The following B3GAT2 variants were observed in gnomAD, a reference collection of about 807,000 sequenced individuals.
B3GAT2 encodes the protein galactosylgalactosylxylosylprotein 3-beta-glucuronosyltransferase 2.
Under a neutral mutation model 27.8 loss-of-function variants are expected in B3GAT2, and 26 were observed. That is an observed-to-expected ratio of 0.93 (90% confidence interval 0.68 to 1.30). B3GAT2 has a LOEUF of 1.30. Ranked by LOEUF, B3GAT2 falls within the 50% of genes most tolerant of loss-of-function variation. The pLI is 0.00. For synonymous variants in B3GAT2, 218 were observed against 195.1 expected, an observed-to-expected ratio of 1.12 and a Z score of -0.98; for missense variants, 458 against 459.0, an observed-to-expected ratio of 1.00 and a Z score of 0.02.
Position 70,859,982 on chromosome 6 carries a change from T to C in B3GAT2, c.*1681A>G, listed in dbSNP as rs753282160. 4.7e-6 allele frequency: 2 copies of C among 426,176 alleles called. No homozygotes were observed. The highest frequency in any genetic ancestry group is 8.0e-6 in the Non-Finnish European group (2 of 250,972). The allele number at this position is 426,176 out of a possible 1,614,324, so 26.4% of individuals were successfully genotyped here. A position where few individuals can be genotyped will look rare whatever the true frequency, so the allele number is the denominator to read the frequency against. On this transcript the variant is annotated 3_prime_UTR_variant, in exon 4 of 4. Transcript: ENST00000230053. Reference sequence around the variant, plus strand: ...GCTTTGGTATTTTTTTTTAAGTAAGTTGTGGTTAATCTTTGGGGAAACTGT... The same window carrying C: ...GCTTTGGTATTTTTTTTTAAGTAAGCTGTGGTTAATCTTTGGGGAAACTGT...
At chr6:70,906,486 G>A (rs965028214) in intron 1 of B3GAT2, among the ~76,000 whole-genome samples, 5 of 151,486 alleles carry the variant, frequency 3.3e-5, no homozygotes, top group South Asian at 2.1e-4. Context: ...GACTGCAGGC[G>A]TGCACCACCA....
At chr6:70,914,580 G>T (rs1772738516) in intron 1 of B3GAT2, among the ~76,000 whole-genome samples, 1 of 151,912 alleles carries the variant, frequency 6.6e-6, no homozygotes, top group Admixed American at 6.6e-5. Flanking sequence ...AGCATTGATT[G>T]TAGATTTTGA....
intron 1 of B3GAT2, among the ~76,000 whole-genome samples, chr6:70,910,244 G>A (rs1772668913): frequency 6.6e-6 from 1 of 152,088 alleles, no homozygotes; most frequent in Non-Finnish European, 1.5e-5. Flanking sequence ...TAAATTGCAT[G>A]TTGTGGGGGT....
chr6:70,858,422 T>C lies in B3GAT2; in HGVS notation c.*3241A>G. On this transcript the variant is annotated 3_prime_UTR_variant, in exon 4 of 4. Coordinates refer to ENST00000230053, the MANE Select transcript of B3GAT2 (RefSeq NM_080742.3). ...TATCAGATAGACAAATGATGTGTTATTATCGCTATTTTAGAGTATTCTGTA... is the reference window on the plus strand; with the variant it reads ...TATCAGATAGACAAATGATGTGTTACTATCGCTATTTTAGAGTATTCTGTA... 1.9e-6 allele frequency: 1 copy of C among 520,796 alleles called. No homozygotes were observed. Among genetic ancestry groups the C allele is most frequent in the Non-Finnish European group, 3.2e-6 (1 of 309,282 alleles). The allele number at this position is 520,796 out of a possible 1,614,324, so 32.3% of individuals were successfully genotyped here.
intron 1 of B3GAT2, among the ~76,000 whole-genome samples, chr6:70,944,914 C>A (rs545386308): frequency 9.2e-5 from 14 of 152,246 alleles, no homozygotes; most frequent in Admixed American, 8.5e-4. Flanking sequence ...TCGCGGTTCA[C>A]GAAAATACGC....
rs142164430 is a variant in B3GAT2, at chr6:70,928,014, C to T, written c.591+27825G>A. On this transcript the variant is annotated intron_variant, in intron 1 of 3. Coordinates refer to ENST00000230053, the MANE Select transcript of B3GAT2 (RefSeq NM_080742.3). Reference sequence around the variant, plus strand: ...AGACCATAGTGCAATCAAATTGGAACTCAGAATTAAGAAACTCATTCAAAA... The same window carrying T: ...AGACCATAGTGCAATCAAATTGGAATTCAGAATTAAGAAACTCATTCAAAA... 3.6e-3 allele frequency among the ~76,000 whole-genome samples: 545 copies of T among 152,304 alleles called. 6 individuals are homozygous for T. The highest frequency in any genetic ancestry group is 0.012 in the African/African-American group (515 of 41,566).
Position 70,956,437 on chromosome 6 carries a change from G to T in B3GAT2, c.-8C>A, listed in dbSNP as rs757495022. The T allele has an allele frequency of 2.6e-6, 4 of 1,550,770 alleles. No individual in the cohort carries two copies. The highest frequency in any genetic ancestry group is 3.5e-6 in the Non-Finnish European group (4 of 1,146,798). On this transcript the variant is annotated 5_prime_UTR_variant, in exon 1 of 4. Transcript: ENST00000230053. Reference sequence around the variant, plus strand: ...GAAAAGCGCGGACTTCATGGTGCACGCTCCCTGGCCTCTCGGACACCCCAG... The same window carrying T: ...GAAAAGCGCGGACTTCATGGTGCACTCTCCCTGGCCTCTCGGACACCCCAG...
chr6:70,938,028 T>A (rs1442001630), intron 1 of B3GAT2, among the ~76,000 whole-genome samples: 1 of 151,292 alleles, frequency 6.6e-6, no homozygotes, highest in Non-Finnish European at 1.5e-5. Flanking sequence ...AAAAATCTCC[T>A]TAAGCTGATA....
intron 1 of B3GAT2, among the ~76,000 whole-genome samples, chr6:70,914,442 T>C (rs1190794174): frequency 1.3e-5 from 2 of 152,244 alleles, no homozygotes; most frequent in African/African-American, 4.8e-5. Flanking sequence ...TTCATCCATG[T>C]ACCTACAAAG....
intron 1 of B3GAT2, among the ~76,000 whole-genome samples, chr6:70,926,741 G>T (rs944979223): frequency 2.0e-5 from 3 of 152,164 alleles, no homozygotes; most frequent in Non-Finnish European, 2.9e-5. Context: ...AACCAAGTTG[G>T]AAAACACTCT....
intron 1 of B3GAT2, among the ~76,000 whole-genome samples, chr6:70,954,062 G>A (rs1463233875): frequency 2.0e-5 from 3 of 152,164 alleles, no homozygotes; most frequent in Admixed American, 1.3e-4. Flanking sequence ...CTCCTACAGT[G>A]TTCATTAACA....
chr6:70,917,652 T>C (rs1027168949), intron 1 of B3GAT2, among the ~76,000 whole-genome samples: 3 of 152,198 alleles, frequency 2.0e-5, no homozygotes, highest in Non-Finnish European at 4.4e-5. Flanking sequence ...ATTTCGTTAT[T>C]TACCCAGTAG....
At chr6:70,943,554 G>A (rs889591065) in intron 1 of B3GAT2, among the ~76,000 whole-genome samples, 3 of 152,116 alleles carry the variant, frequency 2.0e-5, no homozygotes, top group African/African-American at 7.2e-5. Context: ...CATGATACAC[G>A]CCTAGGAGAC....
chr6:70,880,310 G>T (rs1235769562), intron 2 of B3GAT2, among the ~76,000 whole-genome samples: 1 of 152,154 alleles, frequency 6.6e-6, no homozygotes, highest in Non-Finnish European at 1.5e-5. Flanking sequence ...GTATTAACCT[G>T]CTTAATCCTC....
intron 1 of B3GAT2, among the ~76,000 whole-genome samples, chr6:70,900,697 C>T (rs977056683): frequency 6.6e-6 from 1 of 152,242 alleles, no homozygotes; most frequent in Admixed American, 6.5e-5. Flanking sequence ...GCTCCAGGGA[C>T]TGGAACACTC....
intron 1 of B3GAT2, among the ~76,000 whole-genome samples, chr6:70,955,395 A>T (rs1329816666): frequency 6.6e-6 from 1 of 151,506 alleles, no homozygotes; most frequent in Non-Finnish European, 1.5e-5. Context: ...CTCGAGTAAC[A>T]CCTAGCCTAC....
chr6:70,900,586 T>C (rs780560943), intron 1 of B3GAT2, among the ~76,000 whole-genome samples: 3 of 152,224 alleles, frequency 2.0e-5, no homozygotes, highest in Non-Finnish European at 4.4e-5. Context: ...GGTCTCACTA[T>C]GTTGCCCTGG....
chr6:70,923,280 C>T (rs1447573873), intron 1 of B3GAT2, among the ~76,000 whole-genome samples: 1 of 152,134 alleles, frequency 6.6e-6, no homozygotes, highest in Non-Finnish European at 1.5e-5. Context: ...ATCATCAGCC[C>T]AGCCCTGAAA....
chr6:70,858,289 T>G lies in B3GAT2; in HGVS notation c.*3374A>C. The G allele has an allele frequency of 2.1e-5, 2 of 93,876 alleles. No individual in the cohort carries two copies. Among genetic ancestry groups the G allele is most frequent in the Non-Finnish European group, 3.1e-5 (2 of 63,808 alleles). 5.8% of individuals were successfully genotyped at this position (93,876 alleles called of 1,614,324 possible). A position where few individuals can be genotyped will look rare whatever the true frequency, so the allele number is the denominator to read the frequency against. The stretch of plus-strand genomic sequence containing the variant: ...CAAACCAGATTTATTTTCTAAATCT[T>G]TTTTTTTTTTTTTTTTTTTTTTTTT... On this transcript the variant is annotated 3_prime_UTR_variant, in exon 4 of 4. Coordinates refer to ENST00000230053, the MANE Select transcript of B3GAT2 (RefSeq NM_080742.3).
Sources: allele counts gnomAD v4.1 joint callset (sites outside exome capture counted in the v4.1 genomes callset), GRCh38; gene constraint gnomAD v4.1.1; transcripts MANE v1.5; gene names NCBI Gene and HGNC (gene_info 2026-07-23, HGNC 2026-07-21).